Variants in CACNA2D3 observed in about 807,000 individuals in gnomAD.
CACNA2D3 encodes the protein voltage-dependent calcium channel subunit alpha-2/delta-3.
CACNA2D3 carries 60 observed loss-of-function variants against 160.6 expected under a neutral mutation model. The observed-to-expected ratio is 0.37, with a 90% CI of 0.30 to 0.46. The LOEUF is 0.46. Among genes scored for constraint, CACNA2D3 ranks in the 20% least tolerant of loss-of-function variants. The probability of loss-of-function intolerance (pLI) is 1.00; values close to 1 mark genes in which losing one functional copy is unlikely to be tolerated. For synonymous variants in CACNA2D3, 558 were observed against 492.9 expected (o/e 1.13, Z -1.75); for missense variants, 1,205 against 1,365.0 (o/e 0.88, Z 1.85).
At chr3:54,503,772 T>C (rs1701328107) in intron 5 of CACNA2D3, 118 bp downstream of exon 5, 10 of 845,182 alleles carry the variant, frequency 1.2e-5, no homozygotes, top group African/African-American at 1.7e-5. Flanking sequence ...AAAGCACAGT[T>C]ATAAGCTGAG....
At chr3:54,274,238 C>T (rs569950151) in intron 2 of CACNA2D3, among the ~76,000 whole-genome samples, 6 of 137,112 alleles carry the variant, frequency 4.4e-5, no homozygotes, top group African/African-American at 1.0e-4. Context: ...ATAAGAAATA[C>T]GGAAATGTAT....
chr3:54,380,462 G>T (rs1699082752), intron 3 of CACNA2D3, among the ~76,000 whole-genome samples: 1 of 152,204 alleles, frequency 6.6e-6, no homozygotes, highest in African/African-American at 2.4e-5. Context: ...AAGCCAGCCG[G>T]GTGCGGTGGC....
chr3:54,939,643 A>G (rs1307930014), intron 27 of CACNA2D3, among the ~76,000 whole-genome samples: 1 of 152,230 alleles, frequency 6.6e-6, no homozygotes, highest in Non-Finnish European at 1.5e-5. Flanking sequence ...TCCATCCCCC[A>G]GAACGGAGCT....
intron 4 of CACNA2D3, among the ~76,000 whole-genome samples, chr3:54,402,373 T>C (rs2106702954): frequency 6.6e-6 from 1 of 152,178 alleles, no homozygotes; most frequent in Non-Finnish European, 1.5e-5. Context: ...TCCAACTATA[T>C]GCTACCCACA....
chr3:55,054,108 C>A (rs1346214543), intron 35 of CACNA2D3, among the ~76,000 whole-genome samples: 2 of 151,258 alleles, frequency 1.3e-5, no homozygotes, highest in African/African-American at 4.9e-5. Flanking sequence ...TTTAATTGCT[C>A]ATGTTCTATC....
chr3:54,980,440 TAACTTAAAACA>T (rs939010411), intron 29 of CACNA2D3, among the ~76,000 whole-genome samples: 1 of 152,258 alleles, frequency 6.6e-6, no homozygotes, highest in African/African-American at 2.4e-5. Context: ...AGCTTTATCC[TAACTTAAAACA>T]ATCCTTTAAC....
At chr3:54,881,843 A>G (rs1699804082) in intron 21 of CACNA2D3, among the ~76,000 whole-genome samples, 1 of 152,254 alleles carries the variant, frequency 6.6e-6, no homozygotes, top group Non-Finnish European at 1.5e-5. Flanking sequence ...GCGCCCTCAG[A>G]TGATGCCACA....
At chr3:54,315,471 A>G (rs1236084559) in intron 2 of CACNA2D3, among the ~76,000 whole-genome samples, 3 of 152,342 alleles carry the variant, frequency 2.0e-5, no homozygotes, top group South Asian at 2.1e-4. Context: ...CAACAAAACA[A>G]GTGTTTTTAT....
intron 12 of CACNA2D3, among the ~76,000 whole-genome samples, chr3:54,760,956 G>A (rs1702069906): frequency 6.6e-6 from 1 of 152,096 alleles, no homozygotes; most frequent in African/African-American, 2.4e-5. Flanking sequence ...CTGTCGCTCT[G>A]GAGAGAAGTC....
chr3:54,981,289 T>G (rs891008245), intron 29 of CACNA2D3, among the ~76,000 whole-genome samples: 1 of 152,204 alleles, frequency 6.6e-6, no homozygotes, highest in Non-Finnish European at 1.5e-5. Context: ...GCACTGTATC[T>G]TAGAGTACCC....
chr3:54,717,550 G>GGTGT, intron 11 of CACNA2D3, among the ~76,000 whole-genome samples: 1 of 147,976 alleles, frequency 6.8e-6, no homozygotes, highest in Non-Finnish European at 1.5e-5. Flanking sequence ...GTGCATGTGT[G>GGTGT]GTGTGTGTGT....
At chr3:54,553,351 C>A (rs1046407548) in intron 5 of CACNA2D3, among the ~76,000 whole-genome samples, 2 of 152,236 alleles carry the variant, frequency 1.3e-5, no homozygotes, top group African/African-American at 2.4e-5. Context: ...AACTATCCAA[C>A]CATTCTCGTC....
intron 3 of CACNA2D3, among the ~76,000 whole-genome samples, chr3:54,373,763 C>A (rs1318800266): frequency 2.0e-5 from 3 of 152,166 alleles, no homozygotes; most frequent in Non-Finnish European, 4.4e-5. Flanking sequence ...TTGCCTTGAG[C>A]TGGGTCTTCT....
rs933329352 is a variant in CACNA2D3 at position 54,290,448 on chromosome 3, T to G, written c.205-29994T>G. Among the ~76,000 whole-genome samples, 292 of 152,212 alleles carry G rather than the reference T, an allele frequency of 1.9e-3. 4 individuals are homozygous for G. The highest frequency in any genetic ancestry group is 6.5e-3 in the African/African-American group (269 of 41,482). On this transcript the variant is annotated intron_variant, in intron 2 of 37. Transcript: ENST00000474759. ...GGATGTGGAAAAATAGGAACACTTT[T>G]ACACTGTGTGTGGGACTGTAAACTA...
At chr3:54,709,355 T>C (rs1261607660) in intron 11 of CACNA2D3, among the ~76,000 whole-genome samples, 1 of 81,812 alleles carries the variant, frequency 1.2e-5, no homozygotes, top group African/African-American at 4.2e-5. Flanking sequence ...TAAAGTCCTC[T>C]CTCTCTCTCT....
intron 37 of CACNA2D3, 126 bp downstream of exon 37, chr3:55,073,985 G>C (rs138207430): frequency 7.4e-6 from 8 of 1,084,988 alleles, no homozygotes; most frequent in Non-Finnish European, 1.1e-5. Flanking sequence ...TCAGTAAACT[G>C]AATCTGCACC....
At chr3:54,478,683 T>TA (rs1553692205) in intron 4 of CACNA2D3, among the ~76,000 whole-genome samples, 1 of 139,864 alleles carries the variant, frequency 7.1e-6, no homozygotes, top group Non-Finnish European at 1.5e-5. Context: ...TATATATTGC[T>TA]TGTCATTCTG....
At chr3:55,050,063 C>T (rs1704159713) in intron 35 of CACNA2D3, among the ~76,000 whole-genome samples, 1 of 151,434 alleles carries the variant, frequency 6.6e-6, no homozygotes, top group Non-Finnish European at 1.5e-5. Flanking sequence ...ATCCAATTTG[C>T]CAGTCTGTGT....
At chr3:54,280,060 G>GTTTATTTATTTA (rs200788618) in intron 2 of CACNA2D3, among the ~76,000 whole-genome samples, 27 of 148,870 alleles carry the variant, frequency 1.8e-4, no homozygotes, top group Admixed American at 2.7e-4. Flanking sequence ...TTGTTTGTTT[G>GTTTATTTATTTA]TTTGTTTGTT....
Sources: allele counts gnomAD v4.1 joint callset (sites outside exome capture counted in the v4.1 genomes callset), GRCh38; gene constraint gnomAD v4.1.1; transcripts MANE v1.5; gene names NCBI Gene and HGNC (gene_info 2026-07-23, HGNC 2026-07-21).